Variants in HEPACAM2 observed in about 807,000 individuals in gnomAD.
HEPACAM2 encodes the protein mitotic kinetics regulator.
A neutral mutation model predicts 49.6 loss-of-function variants in HEPACAM2; 49 were observed. That is an observed-to-expected ratio of 0.99 (90% CI 0.78 to 1.25). The LOEUF (loss-of-function observed/expected upper bound fraction) is 1.25. Ranked by LOEUF, HEPACAM2 falls within the 50% of genes most tolerant of loss-of-function variation. HEPACAM2 has a pLI of 0.00. For synonymous variants in HEPACAM2, 197 were observed against 202.9 expected, an observed-to-expected ratio of 0.97 and a Z score of 0.25; for missense variants, 525 against 557.2, an observed-to-expected ratio of 0.94 and a Z score of 0.58.
chr7:93,203,196 G>A (rs765475411), intron 4 of HEPACAM2, among the ~76,000 whole-genome samples: 1 of 152,080 alleles, frequency 6.6e-6, no homozygotes, highest in Non-Finnish European at 1.5e-5. Flanking sequence ...CGGAAGAAAT[G>A]ATCTTTCCTG....
upstream of HEPACAM2, among the ~76,000 whole-genome samples, chr7:93,230,970 A>G (rs567367424): frequency 2.0e-5 from 3 of 152,306 alleles, no homozygotes; most frequent in Non-Finnish European, 4.4e-5. Context: ...CATTTCATTC[A>G]CCTACATCAT....
At position 93,208,762 on chromosome 7, in the gene HEPACAM2, G is replaced by A. The variant is rs148203128; in HGVS notation, c.830C>T (p.Pro277Leu). 3.1e-6 allele frequency: 5 copies of A among 1,612,992 alleles called. No individual in the cohort carries two copies. The highest frequency in any genetic ancestry group is 1.1e-5 in the South Asian group (1 of 91,054). The change falls in exon 4 of 10, where the codon CCC (proline) becomes CTC (leucine). Residue 277 changes from proline to leucine, a missense_variant. Transcript: ENST00000394468. Reference sequence around the variant, plus strand: ...CCTCCTAATCCAGGAGTAGGTGTTGGGGGGATGAGAATCAGCAGAACAATC... The same window carrying A: ...CCTCCTAATCCAGGAGTAGGTGTTGAGGGGATGAGAATCAGCAGAACAATC... ...LFDCSADSHP[P>L]NTYSWIRRTD...
chr7:93,207,946 G>C (rs1454228155), intron 4 of HEPACAM2, among the ~76,000 whole-genome samples: 2 of 152,074 alleles, frequency 1.3e-5, no homozygotes, highest in Non-Finnish European at 2.9e-5. Context: ...AGAAGGTGTA[G>C]AAGGATGAGA....
chr7:93,213,416 C>T (rs1014556457), intron 3 of HEPACAM2, among the ~76,000 whole-genome samples: 53 of 151,886 alleles, frequency 3.5e-4, no homozygotes, highest in African/African-American at 1.2e-3. Context: ...CATGAAAAAA[C>T]CCTTCACAGA....
chr7:93,220,639 G>A (rs561422481), intron 1 of HEPACAM2, among the ~76,000 whole-genome samples: 80 of 152,244 alleles, frequency 5.3e-4, no homozygotes, highest in African/African-American at 1.8e-3. Flanking sequence ...AGAGAATGAG[G>A]GGCCTGAGAG....
intron 4 of HEPACAM2, among the ~76,000 whole-genome samples, chr7:93,201,785 C>T (rs888972870): frequency 2.0e-5 from 3 of 152,042 alleles, no homozygotes; most frequent in Non-Finnish European, 2.9e-5. Flanking sequence ...GTGAAACTCA[C>T]ATCTCCCCCT....
At chr7:93,221,995 A>G (rs1221365199) in intron 1 of HEPACAM2, among the ~76,000 whole-genome samples, 1 of 152,178 alleles carries the variant, frequency 6.6e-6, no homozygotes, top group African/African-American at 2.4e-5. Flanking sequence ...AATTCTAAAG[A>G]GGAGATAAAG....
chr7:93,222,404 T>A (rs28599492), intron 1 of HEPACAM2, among the ~76,000 whole-genome samples: 271 of 152,308 alleles, frequency 1.8e-3, no homozygotes, highest in African/African-American at 6.3e-3. Flanking sequence ...TCCTTTTTTT[T>A]TACTTGTGTA....
At chr7:93,222,753 C>G (rs932034176) in intron 1 of HEPACAM2, among the ~76,000 whole-genome samples, 1 of 152,078 alleles carries the variant, frequency 6.6e-6, no homozygotes, top group Non-Finnish European at 1.5e-5. Context: ...TTTCTCGACT[C>G]TCTTAATTTT....
intron 4 of HEPACAM2, among the ~76,000 whole-genome samples, chr7:93,198,694 G>T (rs1323905573): frequency 6.6e-6 from 1 of 152,084 alleles, no homozygotes; most frequent in African/African-American, 2.4e-5. Context: ...GTGAGTGAAA[G>T]TCATGTGATG....
chr7:93,201,794 C>A (rs780083947), intron 4 of HEPACAM2, among the ~76,000 whole-genome samples: 2 of 152,020 alleles, frequency 1.3e-5, no homozygotes, highest in Admixed American at 6.6e-5. Context: ...ACATCTCCCC[C>A]TGAGAATCCT....
At chr7:93,223,823 C>G (rs1186461943) in intron 1 of HEPACAM2, among the ~76,000 whole-genome samples, 1 of 152,102 alleles carries the variant, frequency 6.6e-6, no homozygotes, top group Non-Finnish European at 1.5e-5. Flanking sequence ...CGTAAAATCT[C>G]TTCATTGGAC....
At position 93,226,326 on chromosome 7, in the gene HEPACAM2, A is replaced by C. The variant is rs535596001; in HGVS notation, c.79+42T>G. ...CTTATGTCCACAATTAAAAAAAAAAAACCTAACAAACAGCTAAAACACAAT... is the reference window on the plus strand; with the variant it reads ...CTTATGTCCACAATTAAAAAAAAAACACCTAACAAACAGCTAAAACACAAT... On this transcript the variant is annotated intron_variant, in intron 1 of 9. Coordinates refer to ENST00000394468, the MANE Select transcript of HEPACAM2 (RefSeq NM_001039372.4). 96 of 1,455,118 alleles carry C rather than the reference A, an allele frequency of 6.6e-5. No homozygotes were observed. In the African/African-American group the frequency reaches 1.3e-3, roughly 20 times the overall value. 90.1% of individuals were successfully genotyped at this position (1,455,118 alleles called of 1,614,324 possible).
intron 4 of HEPACAM2, among the ~76,000 whole-genome samples, chr7:93,202,031 C>CCAAAAAAAAAAAAAAAAAAAAAAAAAA (rs1793901647): frequency 8.8e-5 from 2 of 22,744 alleles, no homozygotes; most frequent in Non-Finnish European, 1.6e-4. Flanking sequence ...AAAAAAAAAA[C>CCAAAAAAAAAAAAAAAAAAAAAAAAAA]CAAAAAAAAA....
chr7:93,232,258 T>TC, the HEPACAM2 span: 1 of 540,370 alleles, frequency 1.9e-6, no homozygotes, highest in African/African-American at 1.9e-5. Context: ...GGAGATGTAG[T>TC]CCCTGGGTTG....
chr7:93,215,403 T>A lies in HEPACAM2; in HGVS notation c.713A>T (p.Tyr238Phe), dbSNP rs1312048924. The change falls in exon 3 of 10, where the codon TAT becomes TTT. Residue 238 changes from tyrosine (Y) to phenylalanine (F), a missense_variant and splice_region_variant. Coordinates refer to ENST00000394468, the MANE Select transcript of HEPACAM2 (RefSeq NM_001039372.4). ...GAGTTAAAAAAAAATAAACTTACAATATATGATGGGCATAATGATATCACT... is the reference window on the plus strand; with the variant it reads ...GAGTTAAAAAAAAATAAACTTACAAAATATGATGGGCATAATGATATCACT... Reference protein sequence around the residue: ...MESDIIMPIIYYGPYGLQVNS... With the variant: ...MESDIIMPIIFYGPYGLQVNS... The A allele has an allele frequency of 1.2e-6, 2 of 1,611,328 alleles. No homozygotes were observed. Among genetic ancestry groups the A allele is most frequent in the Admixed American group, 3.3e-5 (2 of 59,794 alleles).
In HEPACAM2 at chr7:93,219,287, C is replaced by T; in HGVS notation, c.244G>A (p.Gly82Ser). The T allele has an allele frequency of 6.2e-7, 1 of 1,613,916 alleles. No individual in the cohort carries two copies. Among genetic ancestry groups the T allele is most frequent in the Non-Finnish European group, 8.5e-7 (1 of 1,179,946 alleles). The change falls in exon 2 of 10, where the codon GGC becomes AGC. Residue 82 changes from glycine to serine, a missense_variant. By Grantham distance (56) the Gly-to-Ser change is moderately conservative. Coordinates refer to ENST00000394468, the MANE Select transcript of HEPACAM2 (RefSeq NM_001039372.4). The part of the protein sequence containing the change: ...RPHTMPKYLL[G>S]SVNKSVVPDL... ...GGAACCACAGACTTATTCACAGAGC[C>T]CAGTAAGTATTTGGGCATTGTGTGG...
chr7:93,231,059 C>G (rs1201594659), upstream of HEPACAM2, among the ~76,000 whole-genome samples: 1 of 152,160 alleles, frequency 6.6e-6, no homozygotes, highest in Non-Finnish European at 1.5e-5. Context: ...AAACGAGGCT[C>G]TAAGGGGTGA....
chr7:93,194,485 A>G (rs530412453), intron 8 of HEPACAM2, among the ~76,000 whole-genome samples: 2 of 152,240 alleles, frequency 1.3e-5, no homozygotes, highest in African/African-American at 4.8e-5. Context: ...AAGGTGAGCC[A>G]ATCCTGCCTG....
Sources: gnomAD v4.1 joint callset for allele counts (sites outside exome capture counted in the v4.1 genomes callset) on GRCh38, gnomAD v4.1.1 for gene constraint, MANE v1.5 for transcripts, NCBI Gene and HGNC (gene_info 2026-07-23, HGNC 2026-07-21) for gene names.